The following RAPGEF6 variants were observed in gnomAD, a reference collection of about 807,000 sequenced individuals.
RAPGEF6 encodes PDZ domain containing guanine nucleotide exchange factor (GEF) 2.
RAPGEF6 carries 56 observed loss-of-function variants against 171.4 expected under a neutral mutation model. The observed-to-expected ratio is 0.33, with a 90% CI of 0.26 to 0.41. The LOEUF is 0.41. Among genes scored for constraint, RAPGEF6 ranks in the 10% least tolerant of loss-of-function variants. The pLI is 1.00. For missense variants in RAPGEF6, 1,674 were observed against 1,921.4 expected, an observed-to-expected ratio of 0.87 and a Z score of 2.41; for synonymous variants, 692 against 650.1, an observed-to-expected ratio of 1.06 and a Z score of -0.98.
In RAPGEF6 at chr5:131,479,630, G is replaced by C; in HGVS notation, c.1964C>G (p.Thr655Arg). 1.2e-6 allele frequency: 2 copies of C among 1,613,826 alleles called. No individual in the cohort carries two copies. Among genetic ancestry groups the C allele is most frequent in the Middle Eastern group, 1.7e-4 (1 of 6,058 alleles). Residue 655 changes from threonine (T) to arginine (R), a missense_variant, in exon 16 of 28, where the codon ACA becomes AGA. Thr to Arg is a moderately conservative substitution (Grantham distance 71). Around this residue, in one of 3 missense-constraint regions of RAPGEF6, gnomAD observed 1,116 missense variants for 1,321.5 expected, o/e 0.84. Coordinates refer to ENST00000509018, the MANE Select transcript of RAPGEF6 (RefSeq NM_016340.6). ...IQHVPGDIEQ[T>R]SQEKGSKKVK... ...TTTCTTACTTCCTTTCTCCTGTGAT[G>C]TCTGTTCAATATCTCCTGGCACATG...
intron 1 of RAPGEF6, among the ~76,000 whole-genome samples, chr5:131,624,910 G>T (rs1347846734): frequency 4.6e-5 from 7 of 151,846 alleles, no homozygotes; most frequent in African/African-American, 1.7e-4. Flanking sequence ...ATCACTTGAG[G>T]TCGGGAGTTC....
chr5:131,445,493 C>CTTGTGTGTGTGTGTGTGTGTGTGTG (rs1554070849), intron 22 of RAPGEF6, among the ~76,000 whole-genome samples: 37 of 147,222 alleles, frequency 2.5e-4, no homozygotes, highest in African/African-American at 8.7e-4. Context: ...AACTCACTCT[C>CTTGTGTGTGTGTGTGTGTGTGTGTG]TGTGTGTGTG....
intron 24 of RAPGEF6, chr5:131,435,738 G>T: frequency 2.1e-6 from 2 of 953,206 alleles, no homozygotes; most frequent in Non-Finnish European, 2.9e-6. Flanking sequence ...CTAACAGTAG[G>T]AAATAAAGTC....
At position 131,596,210 on chromosome 5, in the gene RAPGEF6, CCAAAG is replaced by C. The variant is rs558767960; in HGVS notation, c.198-3749_198-3745del. ...AAAAGACATCCATGCAAATGGAAAG[CCAAAG>C]CAAACAGGAGTAGCCATGCTTACTT... is the stretch of plus-strand genomic sequence containing the variant. On this transcript the variant is annotated intron_variant, in intron 3 of 27. Coordinates refer to ENST00000509018, the MANE Select transcript of RAPGEF6 (RefSeq NM_016340.6). 5.6e-4 allele frequency among the ~76,000 whole-genome samples: 68 copies of C among 121,482 alleles called. 1 individual carries two copies. In the East Asian group the frequency reaches 0.013, roughly 24 times the overall value. The allele number at this position is 121,482 out of a possible 152,430, so 79.7% of individuals were successfully genotyped here.
intron 1 of RAPGEF6, among the ~76,000 whole-genome samples, chr5:131,633,209 G>A (rs1442511277): frequency 1.3e-5 from 2 of 152,090 alleles, no homozygotes; most frequent in Non-Finnish European, 2.9e-5. Context: ...GCGTGTGCCT[G>A]TAATCTCAGC....
At chr5:131,449,511 TATATG>T (rs1191098553) in intron 21 of RAPGEF6, among the ~76,000 whole-genome samples, 1 of 152,166 alleles carries the variant, frequency 6.6e-6, no homozygotes, top group Non-Finnish European at 1.5e-5. Flanking sequence ...TTTATATATT[TATATG>T]ATATATTTAC....
chr5:131,444,168 A>G (rs766612601), intron 22 of RAPGEF6, among the ~76,000 whole-genome samples: 36 of 152,220 alleles, frequency 2.4e-4, no homozygotes, highest in Non-Finnish European at 4.0e-4. Flanking sequence ...CACAGCTATA[A>G]TAGCTATTAT....
At position 131,589,779 on chromosome 5, in the gene RAPGEF6, T is replaced by G. The variant is rs1270320528; in HGVS notation, c.281+2604A>C. ...CTGCAATTGGAGGGCTTCTGTTTCC[T>G]GTCCCCAGCTTCAGGGGCCATCTGC... On this transcript the variant is annotated intron_variant, in intron 4 of 27. Coordinates refer to ENST00000509018, the MANE Select transcript of RAPGEF6 (RefSeq NM_016340.6). Among the ~76,000 whole-genome samples, 5 of 152,358 alleles carry G rather than the reference T, an allele frequency of 3.3e-5. No individual in the cohort carries two copies. In the South Asian group the frequency reaches 6.2e-4, roughly 19 times the overall value.
intron 5 of RAPGEF6, among the ~76,000 whole-genome samples, chr5:131,549,830 T>G (rs924335748): frequency 6.6e-6 from 1 of 152,188 alleles, no homozygotes; most frequent in African/African-American, 2.4e-5. Flanking sequence ...GTATTAAGCC[T>G]AGTGCCTATT....
intron 1 of RAPGEF6, among the ~76,000 whole-genome samples, chr5:131,620,521 C>T (rs1262642104): frequency 3.9e-5 from 6 of 152,114 alleles, no homozygotes; most frequent in Non-Finnish European, 7.4e-5. Flanking sequence ...GCAAATGAGG[C>T]AATTTAGAAA....
At chr5:131,429,668 C>A (rs964161857) in intron 26 of RAPGEF6, among the ~76,000 whole-genome samples, 1 of 152,146 alleles carries the variant, frequency 6.6e-6, no homozygotes, top group Non-Finnish European at 1.5e-5. Flanking sequence ...GAGACATGAA[C>A]CAATGTTTTC....
At chr5:131,521,903 T>C (rs1344391452) in intron 6 of RAPGEF6, among the ~76,000 whole-genome samples, 1 of 138,178 alleles carries the variant, frequency 7.2e-6, no homozygotes, top group Admixed American at 7.2e-5. Context: ...TCTCTCTCTC[T>C]CTCACACACA....
In RAPGEF6 at chr5:131,612,046, G is replaced by T. The variant is rs1764963375; in HGVS notation, c.70-7353C>A. Among the ~76,000 whole-genome samples the T allele has an allele frequency of 2.6e-5, 4 of 151,876 alleles. No homozygotes were observed. In the South Asian group the frequency reaches 8.3e-4, roughly 31 times the overall value. ...CTGAATTATGTTTCTGTCTTGTTTT[G>T]CTTTTAGAGACGGGGTCTCACTCTG... is the stretch of plus-strand genomic sequence containing the variant. On this transcript the variant is annotated intron_variant, in intron 1 of 27. Coordinates refer to ENST00000509018, the MANE Select transcript of RAPGEF6 (RefSeq NM_016340.6).
intron 7 of RAPGEF6, among the ~76,000 whole-genome samples, chr5:131,513,105 C>T (rs1025517697): frequency 2.6e-5 from 4 of 152,124 alleles, no homozygotes; most frequent in Non-Finnish European, 4.4e-5. Context: ...AGGGTTTAAA[C>T]GGAGTATATT....
intron 6 of RAPGEF6, chr5:131,533,180 AC>A (rs1759519237): frequency 7.7e-6 from 1 of 129,262 alleles, no homozygotes. Flanking sequence ...ACACACACAC[AC>A]ACACACACAC....
intron 15 of RAPGEF6, among the ~76,000 whole-genome samples, chr5:131,484,923 G>A (rs1755773517): frequency 6.6e-6 from 1 of 152,068 alleles, no homozygotes; most frequent in Non-Finnish European, 1.5e-5. Context: ...CAAGTTATCT[G>A]AAAAATGGGA....
chr5:131,465,741 C>T (rs1367648348), intron 17 of RAPGEF6, among the ~76,000 whole-genome samples: 1 of 152,012 alleles, frequency 6.6e-6, no homozygotes, highest in East Asian at 1.9e-4. Context: ...TGAGATCATG[C>T]CACTGCACTC....
rs974803048 is a variant in RAPGEF6, at chr5:131,502,933, G to T, written c.1254+1693C>A. Among the ~76,000 whole-genome samples, 3 of 152,184 alleles carry T rather than the reference G, an allele frequency of 2.0e-5. No individual in the cohort carries two copies. In the South Asian group the frequency reaches 6.2e-4, roughly 32 times the overall value. ...CCTGCTTCAGCCTCCCGAGTAGCTG[G>T]GATTGATTACAGGCGGCCACCACCA... On this transcript the variant is annotated intron_variant, in intron 11 of 27. Transcript: ENST00000509018.
At chr5:131,531,985 C>G in intron 6 of RAPGEF6, 1 of 304,898 alleles carries the variant, frequency 3.3e-6, no homozygotes, top group Non-Finnish European at 6.4e-6. Context: ...AGAAAGACTA[C>G]TTTGTAGTTC....
Sources: gnomAD v4.1 joint callset for allele counts (sites outside exome capture counted in the v4.1 genomes callset) on GRCh38, gnomAD v4.1.1 for gene constraint, gnomAD v4.1.1 regional missense constraint, MANE v1.5 for transcripts, NCBI Gene and HGNC (gene_info 2026-07-23, HGNC 2026-07-21) for gene names.